Variants in HR observed in about 807,000 individuals in gnomAD.
The protein encoded by HR is HR lysine demethylase and nuclear receptor corepressor.
Under a neutral mutation model 128.6 loss-of-function variants are expected in HR, and 83 were observed. That is an observed-to-expected ratio of 0.65 (90% confidence interval 0.54 to 0.77). The LOEUF is 0.77. Among genes scored for constraint, HR ranks in the 30% least tolerant of loss-of-function variants. The probability of loss-of-function intolerance (pLI) is 0.00; values close to 1 mark genes in which losing one functional copy is unlikely to be tolerated. For synonymous variants in HR, 681 were observed against 658.2 expected, an observed-to-expected ratio of 1.03 and a Z score of -0.53; for missense variants, 1,490 against 1,574.6, an observed-to-expected ratio of 0.95 and a Z score of 0.91.
At position 22,128,548 on chromosome 8, in the gene HR, C is replaced by T. The variant is rs1168216622; in HGVS notation, c.612+11G>A. On this transcript the variant is annotated intron_variant, in intron 2 of 18. Coordinates refer to ENST00000381418, the MANE Select transcript of HR (RefSeq NM_005144.5). ...CAGAGCCACAGGTACCCTCTCTGCCCCTGCACTCACCTTGCTGCCTAAGCT... is the reference window on the plus strand; with the variant it reads ...CAGAGCCACAGGTACCCTCTCTGCCTCTGCACTCACCTTGCTGCCTAAGCT... 1.2e-6 allele frequency: 2 copies of T among 1,611,526 alleles called. No individual in the cohort carries two copies. Among genetic ancestry groups the T allele is most frequent in the African/African-American group, 2.7e-5 (2 of 75,054 alleles).
intron 9 of HR, 79 bp downstream of exon 9, chr8:22,121,534 C>A: frequency 1.4e-6 from 2 of 1,476,312 alleles, no homozygotes; most frequent in Non-Finnish European, 1.9e-6. Flanking sequence ...CCGGAGACTT[C>A]CGCGACTGTC....
At chr8:22,117,115 C>T in intron 16 of HR, 76 bp from the exon 17 acceptor site, 2 of 1,371,116 alleles carry the variant, frequency 1.5e-6, no homozygotes, top group South Asian at 1.5e-5. Flanking sequence ...CATGGACTTT[C>T]CAGAGGCCAG....
chr8:22,127,554 C>A lies in HR; in HGVS notation c.888G>T (p.Gly296=). The A allele has an allele frequency of 6.2e-7, 1 of 1,613,014 alleles. No homozygotes were observed. Among genetic ancestry groups the A allele is most frequent in the Non-Finnish European group, 8.5e-7 (1 of 1,180,000 alleles). Residue 296 remains glycine, a synonymous_variant, in exon 3 of 19, where the codon GGG becomes GGT. Coordinates refer to ENST00000381418, the MANE Select transcript of HR (RefSeq NM_005144.5). The part of the protein sequence containing the change: ...LVHTLGNVWA[G]PGDGNLGYQL... ...GGTACCCAAGGTTCCCATCGCCTGG[C>A]CCAGCCCAGACGTTGCCAAGAGTAT...
chr8:22,115,407 G>C lies in HR; in HGVS notation c.*293C>G. On this transcript the variant is annotated 3_prime_UTR_variant, in exon 19 of 19. Coordinates refer to ENST00000381418, the MANE Select transcript of HR (RefSeq NM_005144.5). ...AGGGCTGTTTGTCTCCTGGGTCTCG[G>C]AGGAGTGGGGATTGGAGGAAGTCAA... The C allele has an allele frequency of 1.8e-6, 1 of 549,476 alleles. No individual in the cohort carries two copies. Among genetic ancestry groups the C allele is most frequent in the South Asian group, 2.1e-5 (1 of 47,198 alleles). The allele number at this position is 549,476 out of a possible 1,614,324, so 34.0% of individuals were successfully genotyped here. A position where few individuals can be genotyped will look rare whatever the true frequency, so the allele number is the denominator to read the frequency against.
intron 3 of HR, among the ~76,000 whole-genome samples, 158 bp from the exon 4 acceptor site, chr8:22,125,890 C>T (rs1826877176): frequency 6.6e-6 from 1 of 152,120 alleles, no homozygotes; most frequent in African/African-American, 2.4e-5. Flanking sequence ...GTGGACCAGG[C>T]AGCTGGAAGG....
Position 22,118,629 on chromosome 8 carries a change from A to C in HR, c.3213+321T>G, listed in dbSNP as rs944356372. On this transcript the variant is annotated intron_variant, in intron 16 of 18. Coordinates refer to ENST00000381418, the MANE Select transcript of HR (RefSeq NM_005144.5). ...ATGGGAAAGGAGCAGTGCCTGCCTC[A>C]TGGGGCGGGGGGCTGAGACGGGTAA... 4.6e-5 allele frequency: 19 copies of C among 411,540 alleles called. No individual in the cohort carries two copies. The Admixed American group carries it at 4.8e-4, about 10-fold the overall frequency. The allele number at this position is 411,540 out of a possible 1,614,324, so 25.5% of individuals were successfully genotyped here. A position where few individuals can be genotyped will look rare whatever the true frequency, so the allele number is the denominator to read the frequency against.
chr8:22,115,639 T>C lies in HR; in HGVS notation c.*61A>G. 1 of 1,472,168 alleles carries C rather than the reference T, an allele frequency of 6.8e-7. No individual in the cohort carries two copies. The highest frequency in any genetic ancestry group is 2.3e-5 in the East Asian group (1 of 44,130). The allele number at this position is 1,472,168 out of a possible 1,614,324, so 91.2% of individuals were successfully genotyped here. ...CTAGCGCCATCCCCTGCTGAAGTTG[T>C]GCCTGGGCTGAGCACCTGGTCTACC... On this transcript the variant is annotated 3_prime_UTR_variant, in exon 19 of 19. Coordinates refer to ENST00000381418, the MANE Select transcript of HR (RefSeq NM_005144.5).
At position 22,119,881 on chromosome 8, in the gene HR, G is replaced by A; in HGVS notation, c.2856C>T (p.Asn952=). Reference sequence around the variant, plus strand: ...CCGGAAGTGGCAGACTGGCAGCTAGGTTCTCCACCCTGTCAGGGTAGGGGG... The same window carrying A: ...CCGGAAGTGGCAGACTGGCAGCTAGATTCTCCACCCTGTCAGGGTAGGGGG... The part of the protein sequence containing the change: ...LGDEDTSRVE[N]LAASLPLPEY... The change falls in exon 14 of 19, where the codon AAC becomes AAT. Residue 952 remains asparagine, a synonymous_variant. Coordinates refer to ENST00000381418, the MANE Select transcript of HR (RefSeq NM_005144.5). 1 of 1,613,570 alleles carries A rather than the reference G, an allele frequency of 6.2e-7. No individual in the cohort carries two copies. Among genetic ancestry groups the A allele is most frequent in the Non-Finnish European group, 8.5e-7 (1 of 1,180,008 alleles).
chr8:22,120,734 C>A lies in HR; in HGVS notation c.2592G>T (p.Glu864Asp). ...CPRRGFHLFQEHWRQGQPVLV... is the reference protein window; with the variant it reads ...CPRRGFHLFQDHWRQGQPVLV... ...GCCTCACCTGGCCCTGCCTCCAGTG[C>A]TCCTGGAAGAGGTGGAAGCCACGCC... Residue 864 changes from glutamate (E) to aspartate (D), a missense_variant, in exon 11 of 19, where the codon GAG (glutamate) becomes GAT (aspartate). By Grantham distance (45) the Glu-to-Asp change is conservative (BLOSUM62 2). Transcript: ENST00000381418. 2 of 1,504,800 alleles carry A rather than the reference C, an allele frequency of 1.3e-6. No homozygotes were observed. The highest frequency in any genetic ancestry group is 1.3e-5 in the South Asian group (1 of 78,754). The allele number at this position is 1,504,800 out of a possible 1,614,324, so 93.2% of individuals were successfully genotyped here. A position where few individuals can be genotyped will look rare whatever the true frequency, so the allele number is the denominator to read the frequency against.
intron 5 of HR, among the ~76,000 whole-genome samples, chr8:22,124,716 C>A (rs1249157670): frequency 6.6e-6 from 1 of 152,180 alleles, no homozygotes; most frequent in East Asian, 1.9e-4. Context: ...AAGGGAGGAG[C>A]AGGGCATTCC....
In HR at chr8:22,128,871, C is replaced by T; in HGVS notation, c.300G>A (p.Lys100=). 1 of 1,613,436 alleles carries T rather than the reference C, an allele frequency of 6.2e-7. No homozygotes were observed. The highest frequency in any genetic ancestry group is 8.5e-7 in the Non-Finnish European group (1 of 1,180,026). ...WLGSKEGLRW[K]EAMLTHPLAF... ...CCAGCGGATGGGTAAGCATGGCCTC[C>T]TTCCAGCGCAGTCCCTCTTTGCTGC... The change falls in exon 2 of 19, where the codon AAG becomes AAA. Residue 100 remains lysine (K), a synonymous_variant. Transcript: ENST00000381418.
chr8:22,126,069 G>T (rs1309589404), intron 3 of HR, among the ~76,000 whole-genome samples: 1 of 152,224 alleles, frequency 6.6e-6, no homozygotes, highest in African/African-American at 2.4e-5. Flanking sequence ...TCCACTGAGG[G>T]CTTAGTGATA....
intron 6 of HR, 32 bp downstream of exon 6, chr8:22,123,617 T>TTTG: frequency 3.4e-6 from 1 of 292,092 alleles, no homozygotes; most frequent in Non-Finnish European, 6.2e-6. Flanking sequence ...GAGGGCTCCA[T>TTTG]CCCGCCCTCC....
At position 22,117,001 on chromosome 8, in the gene HR, G is replaced by T; in HGVS notation, c.3252C>A (p.Ala1084=). 1 of 1,526,306 alleles carries T rather than the reference G, an allele frequency of 6.6e-7. No individual in the cohort carries two copies. The allele number at this position is 1,526,306 out of a possible 1,614,324, so 94.5% of individuals were successfully genotyped here. A position where few individuals can be genotyped will look rare whatever the true frequency, so the allele number is the denominator to read the frequency against. ...CTGCATCCAGGTAGCAGCTGCCTGG[G>T]GCGCCAGGCTCCAGGGCGCCTGCCC... ...PAGAGALEPG[A]PGSCYLDAGL... is the part of the protein sequence containing the mutation. Residue 1084 remains alanine (A), a synonymous_variant, in exon 17 of 19, where the codon GCC becomes GCA. Transcript: ENST00000381418.
intron 6 of HR, 102 bp from the exon 7 acceptor site, chr8:22,122,981 T>A (rs1826794394): frequency 1.8e-6 from 2 of 1,113,112 alleles, no homozygotes; most frequent in Non-Finnish European, 2.7e-6. Flanking sequence ...GGGGACTCAA[T>A]AGTCCACAAA....
Position 22,127,012 on chromosome 8 carries a change from C to G in HR, c.1405+25G>C, listed in dbSNP as rs763992247. 14 of 1,605,932 alleles carry G rather than the reference C, an allele frequency of 8.7e-6. No individual in the cohort carries two copies. In the South Asian group the frequency reaches 1.6e-4, roughly 18 times the overall value. ...CCGGCTGCCCCCTCCCACGCAGGGC[C>G]TGCAGCCCCTCCTGGCCCCCTTACC... On this transcript the variant is annotated intron_variant, in intron 3 of 18. Coordinates refer to ENST00000381418, the MANE Select transcript of HR (RefSeq NM_005144.5).
rs751383910 is a variant in HR, at chr8:22,127,270, A to C, written c.1172T>G (p.Phe391Cys). 6.2e-7 allele frequency: 1 copy of C among 1,613,114 alleles called. No individual in the cohort carries two copies. The highest frequency in any genetic ancestry group is 8.5e-7 in the Non-Finnish European group (1 of 1,179,984). The change falls in exon 3 of 19, where the codon TTT becomes TGT. Residue 391 changes from phenylalanine to cysteine, a missense_variant. By Grantham distance (205) the Phe-to-Cys change is radical. This residue lies in a region of HR where 1,060 missense variants were observed against 1,060.9 expected (regional missense o/e 1.00). Transcript: ENST00000381418. The part of the protein sequence containing the change: ...KTWLTRHSEQ[F>C]ECPRGCPEVE... ...CTCAGGGCAGCCGCGTGGACATTCAAACTGCTCCGAGTGCCGTGTGAGCCA... is the reference window on the plus strand; with the variant it reads ...CTCAGGGCAGCCGCGTGGACATTCACACTGCTCCGAGTGCCGTGTGAGCCA...
At chr8:22,127,867 G>A (rs1469934067) in intron 2 of HR, 38 bp from the exon 3 acceptor site, 1 of 1,587,396 alleles carries the variant, frequency 6.3e-7, no homozygotes, top group South Asian at 1.1e-5. Flanking sequence ...CAGCTGACTT[G>A]GGCTCCCCAT....
Position 22,128,879 on chromosome 8 carries a change from G to A in HR, c.292C>T (p.Arg98Cys), listed in dbSNP as rs546916772. The change falls in exon 2 of 19, where the codon CGC becomes TGC. Residue 98 changes from arginine to cysteine, a missense_variant. Around this residue, in one of 3 missense-constraint regions of HR, gnomAD observed 1,060 missense variants for 1,060.9 expected, o/e 1.00. Transcript: ENST00000381418. ...VNWLGSKEGLRWKEAMLTHPL... is the reference protein window; with the variant it reads ...VNWLGSKEGLCWKEAMLTHPL... ...TGGGTAAGCATGGCCTCCTTCCAGC[G>A]CAGTCCCTCTTTGCTGCCCAGCCAG... The A allele has an allele frequency of 4.3e-5, 69 of 1,613,432 alleles. No individual in the cohort carries two copies. In the East Asian group the frequency reaches 6.5e-4, roughly 15 times the overall value.
Sources: gnomAD v4.1 joint callset for allele counts (sites outside exome capture counted in the v4.1 genomes callset) on GRCh38, gnomAD v4.1.1 for gene constraint, gnomAD v4.1.1 regional missense constraint, MANE v1.5 for transcripts, NCBI Gene and HGNC (gene_info 2026-07-23, HGNC 2026-07-21) for gene names.